Variants in CUL3 observed in about 807,000 individuals in gnomAD.
The protein encoded by CUL3 is cullin 3.
CUL3 carries 19 observed loss-of-function variants against 89.1 expected under a neutral mutation model. The ratio of observed to expected loss-of-function variants is 0.21; its 90% confidence interval spans 0.15 to 0.31. The LOEUF is 0.31. Among genes scored for constraint, CUL3 ranks in the 10% least tolerant of loss-of-function variants. The pLI, the probability that CUL3 is intolerant of heterozygous loss-of-function variation, is 1.00. For missense variants in CUL3, 469 were observed against 942.3 expected (o/e 0.50, Z 6.58); for synonymous variants, 351 against 308.4 (o/e 1.14, Z -1.45).
chr2:224,561,382 C>A (rs1051659363), intron 1 of CUL3, among the ~76,000 whole-genome samples: 3 of 152,154 alleles, frequency 2.0e-5, no homozygotes, highest in Non-Finnish European at 4.4e-5. Context: ...ATAAAAATTA[C>A]TGAGTTAGTG....
Position 224,511,597 on chromosome 2 carries a change from T to A in CUL3, c.655-15A>T, listed in dbSNP as rs781545647. 1.0e-4 allele frequency: 139 copies of A among 1,393,874 alleles called. No homozygotes were observed. Among genetic ancestry groups the A allele is most frequent in the Middle Eastern group, 4.3e-4 (2 of 4,662 alleles). The allele number at this position is 1,393,874 out of a possible 1,614,324, so 86.3% of individuals were successfully genotyped here. On this transcript the variant is annotated splice_polypyrimidine_tract_variant and intron_variant, in intron 5 of 15. Transcript: ENST00000264414. ...TGGCTTTCCATCTGCCATTTAAAAA[T>A]ATATATATTTTTTAAACATAGAAGA... is the stretch of plus-strand genomic sequence containing the variant.
chr2:224,574,743 A>ATAC (rs2106323813), intron 1 of CUL3, among the ~76,000 whole-genome samples: 1 of 152,352 alleles, frequency 6.6e-6, no homozygotes, highest in East Asian at 1.9e-4. Context: ...TGTCATAGTG[A>ATAC]TACCACTATT....
intron 2 of CUL3, among the ~76,000 whole-genome samples, chr2:224,536,579 T>C (rs1467340496): frequency 6.6e-6 from 1 of 152,228 alleles, no homozygotes; most frequent in African/African-American, 2.4e-5. Context: ...ACACCATTTA[T>C]TTCATATCCC....
At chr2:224,567,376 C>A (rs116256292) in intron 1 of CUL3, among the ~76,000 whole-genome samples, 1 of 152,108 alleles carries the variant, frequency 6.6e-6, no homozygotes, top group African/African-American at 2.4e-5. Context: ...TGCCACCATG[C>A]GTGGCTAATA....
intron 2 of CUL3, among the ~76,000 whole-genome samples, chr2:224,538,500 T>C (rs1693975069): frequency 6.6e-6 from 1 of 152,160 alleles, no homozygotes; most frequent in African/African-American, 2.4e-5. Context: ...AGGGATAACA[T>C]TGTTAATCTC....
chr2:224,508,961 C>CAA (rs3081932), intron 6 of CUL3, among the ~76,000 whole-genome samples: 1 of 112,892 alleles, frequency 8.9e-6, no homozygotes, highest in Non-Finnish European at 1.7e-5. Flanking sequence ...GACTTCGTCT[C>CAA]AAAAAAAAAA....
At chr2:224,489,556 G>C (rs939891486) in intron 13 of CUL3, among the ~76,000 whole-genome samples, 15 of 152,160 alleles carry the variant, frequency 9.9e-5, no homozygotes, top group Non-Finnish European at 2.2e-4. Context: ...GGACGTGAAG[G>C]ATCTCTTCAA....
intron 2 of CUL3, among the ~76,000 whole-genome samples, chr2:224,556,875 G>T (rs1375785341): frequency 6.6e-6 from 1 of 151,976 alleles, no homozygotes; most frequent in Non-Finnish European, 1.5e-5. Context: ...GTAGCAAAAT[G>T]TAAACAACTG....
intron 1 of CUL3, among the ~76,000 whole-genome samples, chr2:224,572,410 C>T (rs760431444): frequency 1.3e-5 from 2 of 151,546 alleles, no homozygotes; most frequent in Admixed American, 6.6e-5. Flanking sequence ...TTTTGAAAGC[C>T]AAAGTGTGTG....
chr2:224,574,148 T>C (rs1168285648), intron 1 of CUL3, among the ~76,000 whole-genome samples: 4 of 152,234 alleles, frequency 2.6e-5, no homozygotes, highest in Admixed American at 2.0e-4. Context: ...AGGAATCTTA[T>C]ATTTTCTTAA....
chr2:224,574,362 T>A (rs1487462363), intron 1 of CUL3, among the ~76,000 whole-genome samples: 1 of 152,216 alleles, frequency 6.6e-6, no homozygotes, highest in African/African-American at 2.4e-5. Context: ...GCAACAGATT[T>A]GGATTAGGAG....
chr2:224,524,289 G>C (rs915397461), intron 3 of CUL3, among the ~76,000 whole-genome samples: 1 of 152,022 alleles, frequency 6.6e-6, no homozygotes, highest in African/African-American at 2.4e-5. Context: ...AGTGGAGTTG[G>C]TTACCAAGCA....
At chr2:224,563,197 A>G in intron 1 of CUL3, 1 of 469,174 alleles carries the variant, frequency 2.1e-6, no homozygotes, top group Non-Finnish European at 4.4e-6. Context: ...AATGCACCTC[A>G]GTATAACGTA....
intron 1 of CUL3, among the ~76,000 whole-genome samples, chr2:224,571,665 A>G (rs746089077): frequency 9.9e-5 from 15 of 152,174 alleles, no homozygotes; most frequent in Non-Finnish European, 2.1e-4. Flanking sequence ...AAAAAAATGT[A>G]CACAAGAACA....
rs190453078 is a variant in CUL3 at position 224,557,786 on chromosome 2, C to T, written c.137G>A (p.Arg46His). ...AAAACTAAGACCACTGTTATTCTTACGCTGGATTTCTTGAATTGCATTTTT... is the reference window on the plus strand; with the variant it reads ...AAAACTAAGACCACTGTTATTCTTATGCTGGATTTCTTGAATTGCATTTTT... ...LLKNAIQEIQ[R>H]KNNSGLSFEE... Residue 46 changes from arginine to histidine, a missense_variant, in exon 2 of 16, where the codon CGT (arginine) becomes CAT (histidine). Arg to His is a conservative substitution (Grantham distance 29). Transcript: ENST00000264414. The T allele has an allele frequency of 4.2e-5, 67 of 1,579,620 alleles. No individual in the cohort carries two copies. Among genetic ancestry groups the T allele is most frequent in the South Asian group, 7.7e-5 (7 of 90,490 alleles).
At chr2:224,580,549 T>C (rs1387968680) in intron 1 of CUL3, among the ~76,000 whole-genome samples, 1 of 152,166 alleles carries the variant, frequency 6.6e-6, no homozygotes, top group Non-Finnish European at 1.5e-5. Flanking sequence ...CCAGACGTGG[T>C]GGCGCAAACC....
chr2:224,574,167 A>G (rs1347018697), intron 1 of CUL3, among the ~76,000 whole-genome samples: 1 of 152,212 alleles, frequency 6.6e-6, no homozygotes, highest in Non-Finnish European at 1.5e-5. Context: ...AAAGTAGGTA[A>G]AAATTCCCCT....
chr2:224,554,020 C>A (rs1694611451), intron 2 of CUL3, among the ~76,000 whole-genome samples: 1 of 152,120 alleles, frequency 6.6e-6, no homozygotes, highest in Non-Finnish European at 1.5e-5. Context: ...ATCCAATTGA[C>A]CATACTGGAG....
At chr2:224,507,418 A>C (rs969273867) in intron 6 of CUL3, among the ~76,000 whole-genome samples, 2 of 152,142 alleles carry the variant, frequency 1.3e-5, no homozygotes, top group Non-Finnish European at 2.9e-5. Flanking sequence ...ACTAATTAAG[A>C]GGTAATTGGT....
Sources: allele counts gnomAD v4.1 joint callset (sites outside exome capture counted in the v4.1 genomes callset), GRCh38; gene constraint gnomAD v4.1.1; transcripts MANE v1.5; gene names NCBI Gene and HGNC (gene_info 2026-07-23, HGNC 2026-07-21).